The following NT5M variants were observed in gnomAD, a reference collection of about 807,000 sequenced individuals.
The protein encoded by NT5M is 5',3'-nucleotidase, mitochondrial.
Under a neutral mutation model 22.2 loss-of-function variants are expected in NT5M, and 22 were observed. The observed-to-expected ratio is 0.99, with a 90% confidence interval of 0.71 to 1.41. The LOEUF is 1.41. NT5M is among the 40% of genes most tolerant of loss of function. The pLI, the probability that NT5M is intolerant of heterozygous loss-of-function variation, is 0.00. For missense variants in NT5M, 322 were observed against 314.8 expected, an observed-to-expected ratio of 1.02 and a Z score of -0.17; for synonymous variants, 167 against 133.0, an observed-to-expected ratio of 1.26 and a Z score of -1.76.
chr17:17,333,295 A>ATTTTCT lies in NT5M; in HGVS notation c.429+10061_429+10066dup, dbSNP rs577219525. Among the ~76,000 whole-genome samples the ATTTTCT allele has an allele frequency of 1.5e-3, 222 of 151,972 alleles. 1 individual carries two copies. The highest frequency in any genetic ancestry group is 2.6e-3 in the Non-Finnish European group (179 of 67,920). ...ATCCCAGTCTGTGATTTGTATTTTA[A>ATTTTCT]TTTTCTTTTTCTTTTTTTTCTTTTT... On this transcript the variant is annotated intron_variant, in intron 3 of 4. Transcript: ENST00000389022.
At chr17:17,309,542 T>C (rs1326491195) in intron 2 of NT5M, among the ~76,000 whole-genome samples, 2 of 152,256 alleles carry the variant, frequency 1.3e-5, no homozygotes, top group Admixed American at 6.5e-5. Flanking sequence ...TAGCATCATA[T>C]GAAGGTTTCA....
intron 3 of NT5M, among the ~76,000 whole-genome samples, chr17:17,343,377 G>T (rs2142383806): frequency 6.6e-6 from 1 of 152,294 alleles, no homozygotes; most frequent in Non-Finnish European, 1.5e-5. Context: ...GGTTGTCGTG[G>T]GTGGGCGTGG....
chr17:17,319,214 A>AG (rs1490126600), intron 2 of NT5M, among the ~76,000 whole-genome samples: 1 of 27,932 alleles, frequency 3.6e-5, no homozygotes, highest in Admixed American at 4.4e-4. Flanking sequence ...CTCGTCTTAG[A>AG]AAAAAAAAAA....
chr17:17,325,327 C>T (rs967045343), intron 3 of NT5M, among the ~76,000 whole-genome samples: 5 of 152,102 alleles, frequency 3.3e-5, no homozygotes, highest in African/African-American at 7.2e-5. Context: ...GAGCTCCAGA[C>T]ACTCAGACCC....
intron 2 of NT5M, among the ~76,000 whole-genome samples, chr17:17,314,102 C>T (rs1209655821): frequency 2.0e-5 from 3 of 149,918 alleles, no homozygotes; most frequent in South Asian, 2.1e-4. Flanking sequence ...GGTGCGATCT[C>T]GGCTCACTAC....
chr17:17,329,392 T>C (rs2049330161), intron 3 of NT5M, among the ~76,000 whole-genome samples: 1 of 152,208 alleles, frequency 6.6e-6, no homozygotes, highest in Non-Finnish European at 1.5e-5. Context: ...GAGCCCATGC[T>C]CTGCTCCTCG....
At chr17:17,329,506 T>G (rs181252692) in intron 3 of NT5M, among the ~76,000 whole-genome samples, 76 of 152,314 alleles carry the variant, frequency 5.0e-4, no homozygotes, top group Non-Finnish European at 9.8e-4. Flanking sequence ...AGGTTCTTCA[T>G]GCACAGGCAT....
At position 17,327,766 on chromosome 17, in the gene NT5M, T is replaced by C. The variant is rs183911741; in HGVS notation, c.429+4521T>C. ...CTCCTGACCTTGTGATCCACCTGCC[T>C]CGGTCTCCCAAATGCTGGGATTACA... On this transcript the variant is annotated intron_variant, in intron 3 of 4. Coordinates refer to ENST00000389022, the MANE Select transcript of NT5M (RefSeq NM_020201.4). 2.5e-4 allele frequency among the ~76,000 whole-genome samples: 27 copies of C among 106,208 alleles called. 10 individuals carry two copies. In the East Asian group the frequency reaches 0.015, roughly 58 times the overall value. The allele number at this position is 106,208 out of a possible 152,430, so 69.7% of individuals were successfully genotyped here.
At chr17:17,343,057 C>G (rs1014801628) in intron 3 of NT5M, among the ~76,000 whole-genome samples, 4 of 152,200 alleles carry the variant, frequency 2.6e-5, no homozygotes, top group African/African-American at 4.8e-5. Context: ...TCTTGCCCCC[C>G]ATCCAGCCTG....
At chr17:17,314,226 G>A (rs1332164426) in intron 2 of NT5M, among the ~76,000 whole-genome samples, 1 of 152,002 alleles carries the variant, frequency 6.6e-6, no homozygotes, top group Non-Finnish European at 1.5e-5. Flanking sequence ...GTAAAGACGG[G>A]GTTTCACCAC....
At chr17:17,335,700 T>C (rs924201876) in intron 3 of NT5M, among the ~76,000 whole-genome samples, 6 of 151,968 alleles carry the variant, frequency 3.9e-5, no homozygotes, top group African/African-American at 1.4e-4. Flanking sequence ...TGGCGCGATC[T>C]CTGCTCACTA....
In NT5M at chr17:17,312,678, G is replaced by A. The variant is rs998067493; in HGVS notation, c.368+6035G>A. Among the ~76,000 whole-genome samples, 8 of 151,746 alleles carry A rather than the reference G, an allele frequency of 5.3e-5. 1 individual carries two copies. Among genetic ancestry groups the A allele is most frequent in the Non-Finnish European group, 1.2e-4 (8 of 67,952 alleles). The stretch of plus-strand genomic sequence containing the variant: ...AAAAAAAAAATGTATTCTAGCCTGG[G>A]TGGGGTTTGGTAGCTCATGCCTGTA... On this transcript the variant is annotated intron_variant, in intron 2 of 4. Coordinates refer to ENST00000389022, the MANE Select transcript of NT5M (RefSeq NM_020201.4).
At position 17,347,024 on chromosome 17, in the gene NT5M, C is replaced by T. The variant is rs1426620057; in HGVS notation, c.*77C>T. 3 of 1,553,434 alleles carry T rather than the reference C, an allele frequency of 1.9e-6. No individual in the cohort carries two copies. Among genetic ancestry groups the T allele is most frequent in the Middle Eastern group, 2.1e-4 (1 of 4,704 alleles). On this transcript the variant is annotated 3_prime_UTR_variant, in exon 5 of 5. Transcript: ENST00000389022. ...GCTCGGGGCCTGTGGGGCCAGTATG[C>T]TGGTCTGGGAGTCCCTCCTAGACTC...
chr17:17,316,856 A>C (rs12601631), intron 2 of NT5M, among the ~76,000 whole-genome samples: 93,196 of 151,300 alleles, frequency 0.62, 30,077 homozygotes, highest in East Asian at 0.79. Flanking sequence ...CTGGGACTAT[A>C]GGCACATGCT....
rs530475376 is a variant in NT5M at position 17,339,478 on chromosome 17, G to C, written c.430-5316G>C. ...TGCTCTTTCTTTCTTTCTCTTGTCTGATTGCTCTAGCGAGGACTTCCAGTA... is the reference window on the plus strand; with the variant it reads ...TGCTCTTTCTTTCTTTCTCTTGTCTCATTGCTCTAGCGAGGACTTCCAGTA... On this transcript the variant is annotated intron_variant, in intron 3 of 4. Transcript: ENST00000389022. Among the ~76,000 whole-genome samples the C allele has an allele frequency of 7.2e-5, 11 of 152,166 alleles. No homozygotes were observed. The East Asian group carries it at 2.1e-3, about 29-fold the overall frequency.
chr17:17,336,859 G>A (rs2049524841), intron 3 of NT5M, among the ~76,000 whole-genome samples: 1 of 152,124 alleles, frequency 6.6e-6, no homozygotes, highest in Non-Finnish European at 1.5e-5. Flanking sequence ...GTACTTGATT[G>A]TGTATATTTA....
At chr17:17,341,239 TG>T (rs2049635228) in intron 3 of NT5M, among the ~76,000 whole-genome samples, 1 of 152,200 alleles carries the variant, frequency 6.6e-6, no homozygotes, top group Admixed American at 6.5e-5. Context: ...TTTATGTAGA[TG>T]ATTTGGGGCT....
At chr17:17,337,263 A>T (rs980981923) in intron 3 of NT5M, among the ~76,000 whole-genome samples, 2 of 152,108 alleles carry the variant, frequency 1.3e-5, no homozygotes, top group African/African-American at 4.8e-5. Flanking sequence ...TGTTGTTGAG[A>T]CAGGATCTCG....
At chr17:17,308,727 C>T (rs1296601537) in intron 2 of NT5M, among the ~76,000 whole-genome samples, 4 of 152,196 alleles carry the variant, frequency 2.6e-5, no homozygotes, top group African/African-American at 4.8e-5. Context: ...CAAAAGAAAC[C>T]CTGTACCCAT....
Sources: allele counts gnomAD v4.1 joint callset (sites outside exome capture counted in the v4.1 genomes callset), GRCh38; gene constraint gnomAD v4.1.1; transcripts MANE v1.5; gene names NCBI Gene and HGNC (gene_info 2026-07-23, HGNC 2026-07-21).